Variants in LUZP2 observed in about 807,000 individuals in gnomAD.
LUZP2 encodes the protein leucine zipper protein 2.
LUZP2 carries 52 observed loss-of-function variants against 51.6 expected under a neutral mutation model. That is an observed-to-expected ratio of 1.01 (90% CI 0.81 to 1.27). The LOEUF (loss-of-function observed/expected upper bound fraction) is 1.27. Among genes scored for constraint, LUZP2 ranks in the 50% most tolerant of loss-of-function variants. LUZP2 has a pLI of 0.00. For missense variants in LUZP2, 436 were observed against 395.4 expected (o/e 1.10, Z -0.87); for synonymous variants, 154 against 137.3 (o/e 1.12, Z -0.85).
chr11:24,802,245 A>G (rs1201215448), intron 5 of LUZP2, among the ~76,000 whole-genome samples: 1 of 152,030 alleles, frequency 6.6e-6, no homozygotes, highest in Non-Finnish European at 1.5e-5. Context: ...GTTAGCTATG[A>G]TATAGTTTGC....
At chr11:25,018,034 T>C (rs968016976) in intron 9 of LUZP2, among the ~76,000 whole-genome samples, 2 of 59,776 alleles carry the variant, frequency 3.3e-5, no homozygotes, top group Admixed American at 2.6e-4. Flanking sequence ...ATTTTTTGTT[T>C]CTGTTTTTTT....
At chr11:24,819,858 A>T (rs1389721137) in intron 5 of LUZP2, among the ~76,000 whole-genome samples, 1 of 152,122 alleles carries the variant, frequency 6.6e-6, no homozygotes, top group South Asian at 2.1e-4. Flanking sequence ...TTTTCCCACA[A>T]TGAGGCTCTT....
At chr11:24,983,614 G>A (rs1211167103) in intron 9 of LUZP2, among the ~76,000 whole-genome samples, 1 of 151,646 alleles carries the variant, frequency 6.6e-6, no homozygotes, top group South Asian at 2.1e-4. Context: ...AACATCACAG[G>A]TTTGATATGG....
intron 10 of LUZP2, 130 bp downstream of exon 10, chr11:25,050,260 T>C: frequency 3.1e-6 from 1 of 321,414 alleles, no homozygotes; most frequent in Middle Eastern, 7.5e-4. Context: ...ATTGTACTTT[T>C]AAATATAAGA....
chr11:24,538,154 T>C (rs1851241026), intron 1 of LUZP2, among the ~76,000 whole-genome samples: 1 of 151,770 alleles, frequency 6.6e-6, no homozygotes, highest in Non-Finnish European at 1.5e-5. Flanking sequence ...AATATATACA[T>C]AAAGTTATTC....
intron 5 of LUZP2, among the ~76,000 whole-genome samples, chr11:24,862,746 T>C (rs553694444): frequency 6.6e-6 from 1 of 152,292 alleles, no homozygotes; most frequent in South Asian, 2.1e-4. Context: ...AATCATTTTA[T>C]CTTTAAAGGA....
chr11:24,892,238 A>G (rs1298113864), intron 5 of LUZP2: 15 of 985,420 alleles, frequency 1.5e-5, no homozygotes, highest in African/African-American at 5.2e-5. Flanking sequence ...GATTCAGCCT[A>G]TATTTATCCT....
At chr11:24,978,315 G>A (rs1032485170) in intron 8 of LUZP2, among the ~76,000 whole-genome samples, 1 of 151,690 alleles carries the variant, frequency 6.6e-6, no homozygotes, top group Non-Finnish European at 1.5e-5. Flanking sequence ...TTATAACATT[G>A]GTGGAATCAG....
chr11:24,958,937 A>G (rs1310957435), intron 7 of LUZP2, among the ~76,000 whole-genome samples: 1 of 151,964 alleles, frequency 6.6e-6, no homozygotes, highest in African/African-American at 2.4e-5. Flanking sequence ...TATATAAGGT[A>G]GTAAGGAAGG....
intron 1 of LUZP2, among the ~76,000 whole-genome samples, chr11:24,621,220 C>G (rs150325269): frequency 5.6e-4 from 85 of 152,326 alleles, no homozygotes; most frequent in Non-Finnish European, 1.9e-4. Context: ...CTGTGTTTGA[C>G]TCTTAACATT....
At chr11:24,806,131 T>A (rs2134126325) in intron 5 of LUZP2, among the ~76,000 whole-genome samples, 1 of 152,288 alleles carries the variant, frequency 6.6e-6, no homozygotes, top group South Asian at 2.1e-4. Context: ...TGGTCAAAAA[T>A]CTTGGGGATA....
intron 1 of LUZP2, among the ~76,000 whole-genome samples, chr11:24,501,887 G>A (rs921037718): frequency 6.6e-6 from 1 of 152,168 alleles, no homozygotes; most frequent in Non-Finnish European, 1.5e-5. Flanking sequence ...AGTTAATAAT[G>A]CCAATTAAGT....
At chr11:24,961,700 C>T (rs113821005) in intron 7 of LUZP2, among the ~76,000 whole-genome samples, 1 of 152,036 alleles carries the variant, frequency 6.6e-6, no homozygotes, top group Non-Finnish European at 1.5e-5. Flanking sequence ...ACTCTTTATC[C>T]AATTTGCCTG....
chr11:25,041,287 A>G (rs1028272351), intron 9 of LUZP2, among the ~76,000 whole-genome samples: 5 of 152,162 alleles, frequency 3.3e-5, no homozygotes, highest in African/African-American at 1.2e-4. Flanking sequence ...GATATTAACA[A>G]CAATAATTAA....
intron 1 of LUZP2, among the ~76,000 whole-genome samples, chr11:24,635,907 G>A (rs1053150337): frequency 2.6e-5 from 4 of 152,144 alleles, no homozygotes; most frequent in African/African-American, 9.6e-5. Flanking sequence ...AGGTGACTCT[G>A]CGGAATAACA....
intron 1 of LUZP2, among the ~76,000 whole-genome samples, chr11:24,612,361 T>A (rs749218050): frequency 6.6e-6 from 1 of 152,168 alleles, no homozygotes; most frequent in Non-Finnish European, 1.5e-5. Flanking sequence ...AACAAAATTC[T>A]AGAGTTGACT....
At chr11:25,067,569 A>G (rs10767307) in intron 10 of LUZP2, among the ~76,000 whole-genome samples, 55,779 of 151,804 alleles carry the variant, frequency 0.37, 12,519 homozygotes, top group East Asian at 0.78. Context: ...GAAACATGTG[A>G]AAAATGCTCA....
intron 5 of LUZP2, among the ~76,000 whole-genome samples, chr11:24,843,599 C>A (rs754837894): frequency 6.6e-6 from 1 of 152,072 alleles, no homozygotes; most frequent in African/African-American, 2.4e-5. Context: ...AATCTCAAAA[C>A]AAGATGAAGA....
intron 1 of LUZP2, among the ~76,000 whole-genome samples, chr11:24,518,716 C>G (rs1183216440): frequency 1.3e-5 from 2 of 152,038 alleles, no homozygotes; most frequent in Non-Finnish European, 2.9e-5. Context: ...GGCTTTGTGA[C>G]CAAAAATTCT....
Sources: allele counts gnomAD v4.1 joint callset (sites outside exome capture counted in the v4.1 genomes callset), GRCh38; gene constraint gnomAD v4.1.1; transcripts MANE v1.5; gene names NCBI Gene and HGNC (gene_info 2026-07-23, HGNC 2026-07-21).